Variants in ITGB3BP observed in about 807,000 individuals in gnomAD.
ITGB3BP encodes centromere protein R.
A neutral mutation model predicts 29.1 loss-of-function variants in ITGB3BP; 27 were observed. The observed-to-expected ratio is 0.93, with a 90% CI of 0.68 to 1.28. The LOEUF (loss-of-function observed/expected upper bound fraction) is 1.28, where lower values mean the gene tolerates loss of function less well. ITGB3BP is among the 50% of genes most tolerant of loss of function. The pLI, the probability that ITGB3BP is intolerant of heterozygous loss-of-function variation, is 0.00. For synonymous variants in ITGB3BP, 61 were observed against 61.4 expected, an observed-to-expected ratio of 0.99 and a Z score of 0.03; for missense variants, 192 against 200.2, an observed-to-expected ratio of 0.96 and a Z score of 0.25.
In ITGB3BP at chr1:63,482,811, G is replaced by C. The variant is rs1645463100; in HGVS notation, c.185-3978C>G. ...TGGGACTGCAAGCGTGCACCACCAC[G>C]CCTGGCTAATTTTTGTATTTTTAGT... On this transcript the variant is annotated intron_variant, in intron 3 of 8. Coordinates refer to ENST00000271002, the MANE Select transcript of ITGB3BP (RefSeq NM_014288.5). 3.3e-5 allele frequency among the ~76,000 whole-genome samples: 5 copies of C among 151,970 alleles called. No individual in the cohort carries two copies. The South Asian group carries it at 6.2e-4, about 19-fold the overall frequency.
intron 4 of ITGB3BP, among the ~76,000 whole-genome samples, chr1:63,470,711 T>C (rs373290242): frequency 3.9e-5 from 6 of 152,324 alleles, no homozygotes; most frequent in African/African-American, 7.2e-5. Context: ...TAGACTGCAA[T>C]GATCATTATG....
At chr1:63,453,880 A>G in intron 7 of ITGB3BP, 38 bp downstream of exon 7, 3 of 1,232,626 alleles carry the variant, frequency 2.4e-6, no homozygotes, top group Non-Finnish European at 3.6e-6. Context: ...ATGGGATGAA[A>G]GCATCTTTAT....
At chr1:63,465,938 T>A (rs2100556537) in intron 4 of ITGB3BP, among the ~76,000 whole-genome samples, 1 of 152,310 alleles carries the variant, frequency 6.6e-6, no homozygotes, top group Admixed American at 6.5e-5. Flanking sequence ...ACACCAATTA[T>A]GACTTTTCTC....
At chr1:63,526,099 C>A (rs1646584611), upstream of ITGB3BP, among the ~76,000 whole-genome samples, 1 of 152,050 alleles carries the variant, frequency 6.6e-6, no homozygotes, top group Non-Finnish European at 1.5e-5. Context: ...CTGAATTTGA[C>A]CCATACTGAG....
At chr1:63,508,731 T>C (rs932837389) in intron 1 of ITGB3BP, among the ~76,000 whole-genome samples, 161 bp from the exon 2 acceptor site, 1 of 152,114 alleles carries the variant, frequency 6.6e-6, no homozygotes. Flanking sequence ...CAATTATTTA[T>C]GATGACAGGT....
At chr1:63,522,944 G>T in intron 1 of ITGB3BP, 185 bp downstream of exon 1, 2 of 786,628 alleles carry the variant, frequency 2.5e-6, no homozygotes, top group Middle Eastern at 2.2e-4. Context: ...GAGGACTATC[G>T]TATGAGTACC....
chr1:63,443,908 TTG>T (rs1401731469), intron 8 of ITGB3BP, among the ~76,000 whole-genome samples: 2 of 152,012 alleles, frequency 1.3e-5, no homozygotes, highest in African/African-American at 4.8e-5. Context: ...GCAGCTGAGA[TTG>T]TGGGTTTATA....
intron 3 of ITGB3BP, among the ~76,000 whole-genome samples, chr1:63,483,846 C>T (rs979583427): frequency 2.0e-5 from 3 of 152,080 alleles, no homozygotes; most frequent in African/African-American, 4.8e-5. Flanking sequence ...TTCAGTAGTC[C>T]ACTGTATAGG....
intron 2 of ITGB3BP, among the ~76,000 whole-genome samples, chr1:63,500,403 A>C (rs1645897732): frequency 3.9e-5 from 6 of 152,104 alleles, no homozygotes; most frequent in Admixed American, 2.0e-4. Flanking sequence ...GAAAATCTCC[A>C]AATTATTAAT....
chr1:63,453,033 A>C (rs760738583), intron 7 of ITGB3BP, among the ~76,000 whole-genome samples: 3 of 152,218 alleles, frequency 2.0e-5, no homozygotes, highest in Non-Finnish European at 4.4e-5. Flanking sequence ...AGAGTTTTTG[A>C]GGCCAGACTG....
chr1:63,522,792 C>A (rs1035763181), intron 1 of ITGB3BP, among the ~76,000 whole-genome samples: 1 of 152,118 alleles, frequency 6.6e-6, no homozygotes, highest in Non-Finnish European at 1.5e-5. Context: ...AAGGGACTGA[C>A]AAACTACGAA....
At chr1:63,521,014 A>C (rs764310507) in intron 1 of ITGB3BP, among the ~76,000 whole-genome samples, 66 of 152,214 alleles carry the variant, frequency 4.3e-4, no homozygotes, top group Non-Finnish European at 8.7e-4. Context: ...TTTTAGATTC[A>C]TTTGGACCAT....
chr1:63,525,415 A>G (rs1404547287), upstream of ITGB3BP, among the ~76,000 whole-genome samples: 1 of 152,200 alleles, frequency 6.6e-6, no homozygotes, highest in Admixed American at 6.5e-5. Flanking sequence ...TTACTTCCAC[A>G]TATAAAACTT....
intron 4 of ITGB3BP, among the ~76,000 whole-genome samples, chr1:63,455,487 C>T (rs1644920252): frequency 6.6e-6 from 1 of 151,814 alleles, no homozygotes. Flanking sequence ...CTCTGTTACC[C>T]AGGCTGAAGT....
chr1:63,515,825 TAAAAA>T (rs76881362), intron 1 of ITGB3BP, among the ~76,000 whole-genome samples: 7 of 48,634 alleles, frequency 1.4e-4, no homozygotes, highest in Admixed American at 3.4e-4. Context: ...GACTCCAACT[TAAAAA>T]AAAAAAAAAA....
chr1:63,494,325 A>G (rs1198407770), intron 2 of ITGB3BP, among the ~76,000 whole-genome samples: 1 of 152,100 alleles, frequency 6.6e-6, no homozygotes, highest in Non-Finnish European at 1.5e-5. Context: ...CACTATGTTC[A>G]CCAGGTTGGT....
intron 4 of ITGB3BP, among the ~76,000 whole-genome samples, chr1:63,459,312 CACT>C (rs1232462142): frequency 2.0e-5 from 3 of 152,146 alleles, no homozygotes; most frequent in Admixed American, 2.0e-4. Context: ...GCCACAAATA[CACT>C]ACTAATTAAT....
intron 1 of ITGB3BP, among the ~76,000 whole-genome samples, chr1:63,514,773 C>T (rs1371322727): frequency 6.6e-6 from 1 of 151,744 alleles, no homozygotes; most frequent in Non-Finnish European, 1.5e-5. Context: ...TGGTAAAAGC[C>T]CATCTCTCCT....
chr1:63,441,560 C>G (rs552360475), intron 8 of ITGB3BP, among the ~76,000 whole-genome samples: 1 of 152,058 alleles, frequency 6.6e-6, no homozygotes, highest in East Asian at 1.9e-4. Flanking sequence ...ATTATCTTCA[C>G]TAGTAACTGT....
Sources: gnomAD v4.1 joint callset for allele counts (sites outside exome capture counted in the v4.1 genomes callset) on GRCh38, gnomAD v4.1.1 for gene constraint, MANE v1.5 for transcripts, NCBI Gene and HGNC (gene_info 2026-07-23, HGNC 2026-07-21) for gene names.